The following PIP5KL1 variants were observed in gnomAD, a reference collection of about 807,000 sequenced individuals.
PIP5KL1 encodes the protein phosphatidylinositol 4-phosphate 5-kinase-like protein 1.
Under a neutral mutation model 47.6 loss-of-function variants are expected in PIP5KL1, and 45 were observed. The observed-to-expected ratio is 0.94, with a 90% CI of 0.74 to 1.21. The LOEUF is 1.21. Ranked by LOEUF, PIP5KL1 falls within the 50% of genes most tolerant of loss-of-function variation. The pLI is 0.00. For missense variants in PIP5KL1, 577 were observed against 547.6 expected (o/e 1.05, Z -0.54); for synonymous variants, 256 against 234.6 (o/e 1.09, Z -0.84).
intron 2 of PIP5KL1, chr9:127,928,802 C>T (rs1009074590): frequency 1.1e-5 from 5 of 448,652 alleles, no homozygotes; most frequent in Non-Finnish European, 1.6e-5. Context: ...AGATTCTGTC[C>T]AGTACAAGGG....
Position 127,927,939 on chromosome 9 carries a change from C to T in PIP5KL1, c.434+126G>A. ...CTCCCCGATCTGTCCACCATCCGGC[C>T]CTGACCCTCCCAGATTAGGGCCGCT... On this transcript the variant is annotated intron_variant, in intron 4 of 9. Coordinates refer to ENST00000388747, the MANE Select transcript of PIP5KL1 (RefSeq NM_001135219.2). This position sits in a 1 kb window ranked among gnomAD's most constrained non-coding sequence, Gnocchi z 5.5. 6.9e-7 allele frequency: 1 copy of T among 1,449,274 alleles called. No homozygotes were observed. The highest frequency in any genetic ancestry group is 1.4e-5 in the South Asian group (1 of 72,324). 89.8% of individuals were successfully genotyped at this position (1,449,274 alleles called of 1,614,324 possible). A position where few individuals can be genotyped will look rare whatever the true frequency, so the allele number is the denominator to read the frequency against.
In PIP5KL1 at chr9:127,922,070, T is replaced by C; in HGVS notation, c.962A>G (p.Asn321Ser). 1 of 1,560,610 alleles carries C rather than the reference T, an allele frequency of 6.4e-7. No individual in the cohort carries two copies. ...AQSPEESRAQ[N>S]RRLLPDAPNA... ...GGGGGCGTCGGGCAGCAGCCGGCGG[T>C]TTTGGGCTCTCGACTCTTCCGGGCT... The change falls in exon 10 of 10, where the codon AAC becomes AGC. Residue 321 changes from asparagine to serine, a missense_variant. By Grantham distance (46) the Asn-to-Ser change is conservative (BLOSUM62 1). Coordinates refer to ENST00000388747, the MANE Select transcript of PIP5KL1 (RefSeq NM_001135219.2).
rs888409728 is a variant in PIP5KL1 at position 127,925,021 on chromosome 9, C to T, written c.917+86G>A. ...AGCCTTCATGTCTTTGGCTGCACTG[C>T]TCCCGGTGCACTCCCATGCCCCCAT... On this transcript the variant is annotated intron_variant, in intron 9 of 9. Coordinates refer to ENST00000388747, the MANE Select transcript of PIP5KL1 (RefSeq NM_001135219.2). 4.2e-5 allele frequency: 65 copies of T among 1,530,312 alleles called. No individual in the cohort carries two copies. In the African/African-American group the frequency reaches 7.8e-4, roughly 18 times the overall value. The allele number at this position is 1,530,312 out of a possible 1,614,324, so 94.8% of individuals were successfully genotyped here. A position where few individuals can be genotyped will look rare whatever the true frequency, so the allele number is the denominator to read the frequency against.
chr9:127,923,188 C>T (rs916915344), intron 9 of PIP5KL1, among the ~76,000 whole-genome samples: 1 of 152,212 alleles, frequency 6.6e-6, no homozygotes, highest in Admixed American at 6.5e-5. Flanking sequence ...GGTTCAATTC[C>T]CTAACTTTGT....
rs770399159 is a variant in PIP5KL1, at chr9:127,929,772, C to G, written c.144G>C (p.Pro48=). Residue 48 remains proline, a synonymous_variant, in exon 2 of 10, where the codon CCG becomes CCC. Transcript: ENST00000388747. This position sits in a 1 kb window ranked among gnomAD's most constrained non-coding sequence, Gnocchi z 4.0. ...QSRLGLFEIS[P]GHELHGMTCM... Reference sequence around the variant, plus strand: ...ACGTCATCCCATGCAGTTCATGCCCCGGGCTGATCTCAAACAGGCCCAGGC... The same window carrying G: ...ACGTCATCCCATGCAGTTCATGCCCGGGGCTGATCTCAAACAGGCCCAGGC... The G allele has an allele frequency of 1.3e-6, 2 of 1,568,578 alleles. No homozygotes were observed. The highest frequency in any genetic ancestry group is 1.7e-6 in the Non-Finnish European group (2 of 1,156,824).
chr9:127,920,918 C>G lies in PIP5KL1; in HGVS notation c.*929G>C, dbSNP rs1831272754. ...CAAATATTTAATGAGTTAATGAGGT[C>G]TGTTTCCATTCCTTCATTTTACAGA... On this transcript the variant is annotated 3_prime_UTR_variant, in exon 10 of 10. Transcript: ENST00000388747. The G allele has an allele frequency of 6.6e-6, 1 of 152,256 alleles. No homozygotes were observed. Among genetic ancestry groups the G allele is most frequent in the Non-Finnish European group, 1.5e-5 (1 of 68,066 alleles). The allele number at this position is 152,256 out of a possible 1,614,324, so 9.4% of individuals were successfully genotyped here.
At chr9:127,923,688 C>T (rs562211817) in intron 9 of PIP5KL1, among the ~76,000 whole-genome samples, 10 of 152,346 alleles carry the variant, frequency 6.6e-5, no homozygotes, top group Admixed American at 2.0e-4. Flanking sequence ...GGGGTAGGAA[C>T]GAGGCAGGGG....
chr9:127,924,861 A>C (rs1415836465), intron 9 of PIP5KL1, among the ~76,000 whole-genome samples: 1 of 151,718 alleles, frequency 6.6e-6, no homozygotes, highest in Non-Finnish European at 1.5e-5. Flanking sequence ...AGGCTTCTCC[A>C]GCCCTCCCCT....
intron 3 of PIP5KL1, 37 bp from the exon 4 acceptor site, chr9:127,928,256 G>A (rs771055195): frequency 7.2e-6 from 11 of 1,526,204 alleles, no homozygotes; most frequent in Middle Eastern, 1.7e-4. Flanking sequence ...GAGTGTCTGC[G>A]TGGGCCCGGG....
intron 8 of PIP5KL1, chr9:127,925,534 C>T (rs1265843056): frequency 1.7e-5 from 8 of 476,866 alleles, no homozygotes; most frequent in African/African-American, 5.9e-5. Context: ...GGCGCCATCT[C>T]GGCTCACTGC....
chr9:127,927,567 C>T lies in PIP5KL1; in HGVS notation c.559+81G>A. On this transcript the variant is annotated intron_variant, in intron 5 of 9. Coordinates refer to ENST00000388747, the MANE Select transcript of PIP5KL1 (RefSeq NM_001135219.2). The surrounding 1 kb of genome is among the most constrained non-coding windows in gnomAD (Gnocchi z 5.5). ...ACAACCCCAAATCCGCCCATTTGGG[C>T]CCCGCCCACATACCCCGCCCTCCCC... The T allele has an allele frequency of 1.9e-6, 2 of 1,078,834 alleles. No individual in the cohort carries two copies. The highest frequency in any genetic ancestry group is 1.1e-6 in the Non-Finnish European group (1 of 890,374). 66.8% of individuals were successfully genotyped at this position (1,078,834 alleles called of 1,614,324 possible).
intron 9 of PIP5KL1, 95 bp downstream of exon 9, chr9:127,925,012 G>T (rs1831339889): frequency 1.3e-6 from 2 of 1,492,602 alleles, no homozygotes; most frequent in Admixed American, 3.7e-5. Context: ...CATGTCTTTG[G>T]CTGCACTGCT....
chr9:127,923,328 T>TGTAC (rs1831316798), intron 9 of PIP5KL1, among the ~76,000 whole-genome samples: 1 of 150,620 alleles, frequency 6.6e-6, no homozygotes, highest in Non-Finnish European at 1.5e-5. Flanking sequence ...AACAGAATGC[T>TGTAC]GGTACCCTGT....
chr9:127,921,966 G>A lies in PIP5KL1; in HGVS notation c.1066C>T (p.Arg356Cys), dbSNP rs745693780. ...VVDLATVYGL[R>C]KRLEHLWKTL... Reference sequence around the variant, plus strand: ...TTCCACAGGTGCTCCAGCCGCTTGCGGAGCCCGTAGACTGTGGCGAGATCC... The same window carrying A: ...TTCCACAGGTGCTCCAGCCGCTTGCAGAGCCCGTAGACTGTGGCGAGATCC... Residue 356 changes from arginine to cysteine, a missense_variant, in exon 10 of 10, where the codon CGC becomes TGC. Transcript: ENST00000388747. The A allele has an allele frequency of 9.5e-6, 15 of 1,576,406 alleles. No individual in the cohort carries two copies. Among genetic ancestry groups the A allele is most frequent in the Admixed American group, 7.2e-5 (4 of 55,278 alleles).
intron 9 of PIP5KL1, among the ~76,000 whole-genome samples, chr9:127,923,513 G>A (rs991402932): frequency 1.3e-5 from 2 of 152,260 alleles, no homozygotes; most frequent in African/African-American, 4.8e-5. Context: ...CCAGCTAGGG[G>A]GAGAGGGCAA....
intron 2 of PIP5KL1, 145 bp from the exon 3 acceptor site, chr9:127,928,628 G>A (rs1831397344): frequency 1.1e-6 from 1 of 886,836 alleles, no homozygotes; most frequent in Admixed American, 2.9e-5. Context: ...TTCTGAGAGT[G>A]CCTGAGTTGG....
Position 127,927,660 on chromosome 9 carries a change from C to T in PIP5KL1, c.547G>A (p.Ala183Thr). The T allele has an allele frequency of 6.5e-7, 1 of 1,539,204 alleles. No homozygotes were observed. Among genetic ancestry groups the T allele is most frequent in the Non-Finnish European group, 8.7e-7 (1 of 1,145,954 alleles). The change falls in exon 5 of 10, where the codon GCG (alanine) becomes ACG (threonine). Residue 183 changes from alanine to threonine, a missense_variant. Coordinates refer to ENST00000388747, the MANE Select transcript of PIP5KL1 (RefSeq NM_001135219.2). The surrounding 1 kb of genome is among the most constrained non-coding windows in gnomAD (Gnocchi z 5.5). ...CCCAGCCAAGTACCCAGCAACCGCG[C>T]CAGCAGCGAGTGCGGGTGCCGCTGC... ...HLQRHPHSLL[A>T]RLLGVHSLRV...
At chr9:127,928,032 C>T (rs1203550790) in intron 4 of PIP5KL1, 33 bp downstream of exon 4, 2 of 1,112,612 alleles carry the variant, frequency 1.8e-6, no homozygotes, top group Non-Finnish European at 2.5e-6. Flanking sequence ...GGGTACCACT[C>T]CCACCCCTGC....
Position 127,921,794 on chromosome 9 carries a change from C to G in PIP5KL1, c.*53G>C. Reference sequence around the variant, plus strand: ...AGATGCCCGGGCCCGGGGGAACCGGCGTTCCTGGCGTGAGCCCATCGTCCA... The same window carrying G: ...AGATGCCCGGGCCCGGGGGAACCGGGGTTCCTGGCGTGAGCCCATCGTCCA... On this transcript the variant is annotated 3_prime_UTR_variant, in exon 10 of 10. Coordinates refer to ENST00000388747, the MANE Select transcript of PIP5KL1 (RefSeq NM_001135219.2). The G allele has an allele frequency of 6.6e-7, 1 of 1,509,670 alleles. No individual in the cohort carries two copies. The highest frequency in any genetic ancestry group is 8.8e-7 in the Non-Finnish European group (1 of 1,130,544). 93.5% of individuals were successfully genotyped at this position (1,509,670 alleles called of 1,614,324 possible).
Sources: allele counts gnomAD v4.1 joint callset (sites outside exome capture counted in the v4.1 genomes callset), GRCh38; gene constraint gnomAD v4.1.1; non-coding constraint Gnocchi (gnomAD v3.1); transcripts MANE v1.5; gene names NCBI Gene and HGNC (gene_info 2026-07-23, HGNC 2026-07-21).